CACNA1C: variants seen among roughly 807,000 people sequenced by gnomAD.
CACNA1C encodes voltage-dependent L-type calcium channel subunit alpha-1C.
A neutral mutation model predicts 229.0 loss-of-function variants in CACNA1C; 30 were observed. The observed-to-expected ratio is 0.13, with a 90% CI of 0.10 to 0.18. The LOEUF (loss-of-function observed/expected upper bound fraction) is 0.18, where lower values mean the gene tolerates loss of function less well. CACNA1C is among the 10% of genes least tolerant of loss of function. CACNA1C has a pLI of 1.00. For synonymous variants in CACNA1C, 1,114 were observed against 1,132.5 expected (o/e 0.98, Z 0.33); for missense variants, 1,658 against 2,845.0 (o/e 0.58, Z 9.49).
chr12:1,996,988 G>A (rs868493805), intron 1 of CACNA1C, among the ~76,000 whole-genome samples: 2 of 152,166 alleles, frequency 1.3e-5, no homozygotes, highest in African/African-American at 4.8e-5. Context: ...TGAAGGTGAT[G>A]ACCTTTGGCT....
intron 3 of CACNA1C, among the ~76,000 whole-genome samples, chr12:2,395,601 C>T (rs1307813930): frequency 1.3e-5 from 2 of 152,122 alleles, no homozygotes; most frequent in African/African-American, 2.4e-5. Context: ...GAAAGCAAGT[C>T]GGGTCCCTCT....
intron 1 of CACNA1C, among the ~76,000 whole-genome samples, chr12:2,026,435 G>T (rs971667372): frequency 3.3e-5 from 5 of 152,162 alleles, no homozygotes; most frequent in Non-Finnish European, 7.3e-5. Flanking sequence ...AAGTCAGATG[G>T]ATCAGTTAGA....
At chr12:2,494,876 C>A (rs2099743538) in intron 7 of CACNA1C, among the ~76,000 whole-genome samples, 2 of 152,156 alleles carry the variant, frequency 1.3e-5, no homozygotes, top group African/African-American at 2.4e-5. Flanking sequence ...GACCTTGTAC[C>A]CAGCAAACAT....
rs550782227 is a variant in CACNA1C, at chr12:2,615,324, A to G, written c.3828+3311A>G. On this transcript the variant is annotated intron_variant, in intron 29 of 46. Coordinates refer to ENST00000399655, the MANE Select transcript of CACNA1C (RefSeq NM_000719.7). ...AGCAAAGACAGGAAAATAAATTTTG[A>G]AGATACTCTTATAGATTTGATAAAC... Among the ~76,000 whole-genome samples, 32 of 152,376 alleles carry G rather than the reference A, an allele frequency of 2.1e-4. No homozygotes were observed. In the East Asian group the frequency reaches 4.6e-3, roughly 22 times the overall value.
chr12:2,442,086 A>G (rs117849931), intron 3 of CACNA1C, among the ~76,000 whole-genome samples: 1,602 of 152,354 alleles, frequency 0.011, 14 homozygotes, highest in Non-Finnish European at 0.016. Flanking sequence ...CAGAATCAAA[A>G]TTATTACCAT....
In CACNA1C at chr12:1,976,813, C is replaced by G. The variant is rs112230987; in HGVS notation, c.139+5612C>G. Among the ~76,000 whole-genome samples the G allele has an allele frequency of 8.0e-4, 98 of 122,182 alleles. 1 individual carries two copies. The highest frequency in any genetic ancestry group is 1.4e-3 in the Non-Finnish European group (85 of 62,376). The allele number at this position is 122,182 out of a possible 152,430, so 80.2% of individuals were successfully genotyped here. ...ACCCTCTAAAACAATGTCTGGCACA[C>G]AGCAGTCAAGCAAATATATTTGAGG... On this transcript the variant is annotated intron_variant, in intron 1 of 46. Transcript: ENST00000682462.
At chr12:2,035,059 C>T (rs1159835296) in intron 1 of CACNA1C, among the ~76,000 whole-genome samples, 1 of 152,190 alleles carries the variant, frequency 6.6e-6, no homozygotes, top group East Asian at 1.9e-4. Flanking sequence ...CGTCGTCCAC[C>T]TCAGGTGCCG....
In CACNA1C at chr12:2,691,920, CTT is replaced by C. The variant is rs1299821983; in HGVS notation, c.*724_*725del. ...CGCTCTTTTGTTTTGTGGTTTGACA[CTT>C]TTCTTGACAGCATGTTGCAGTTTCT... On this transcript the variant is annotated 3_prime_UTR_variant, in exon 47 of 47. Transcript: ENST00000399655. The C allele has an allele frequency of 6.6e-6, 1 of 152,178 alleles. No individual in the cohort carries two copies. Among genetic ancestry groups the C allele is most frequent in the African/African-American group, 2.4e-5 (1 of 41,450 alleles). The allele number at this position is 152,178 out of a possible 1,614,324, so 9.4% of individuals were successfully genotyped here. A position where few individuals can be genotyped will look rare whatever the true frequency, so the allele number is the denominator to read the frequency against.
intron 9 of CACNA1C, among the ~76,000 whole-genome samples, chr12:2,544,964 A>G (rs953051923): frequency 7.2e-5 from 11 of 152,178 alleles, no homozygotes; most frequent in Admixed American, 6.5e-4. Flanking sequence ...TCTTAGATGT[A>G]ATGGTTTCGC....
intron 5 of CACNA1C, among the ~76,000 whole-genome samples, chr12:2,468,023 G>C (rs749025056): frequency 1.3e-5 from 2 of 152,214 alleles, no homozygotes; most frequent in Non-Finnish European, 2.9e-5. Flanking sequence ...TGGGTTGGCA[G>C]GAGCCACCGC....
chr12:2,068,997 C>G (rs569074763), intron 1 of CACNA1C, among the ~76,000 whole-genome samples: 1 of 152,352 alleles, frequency 6.6e-6, no homozygotes, highest in South Asian at 2.1e-4. Flanking sequence ...CATACTCAGA[C>G]AACTGGTCCT....
At chr12:2,189,603 G>T (rs1362454913) in intron 3 of CACNA1C, among the ~76,000 whole-genome samples, 1 of 152,196 alleles carries the variant, frequency 6.6e-6, no homozygotes, top group Non-Finnish European at 1.5e-5. Flanking sequence ...CCAGGCAGAG[G>T]GCTGCTAACT....
At chr12:2,194,348 T>C (rs565693335) in intron 3 of CACNA1C, among the ~76,000 whole-genome samples, 9 of 147,508 alleles carry the variant, frequency 6.1e-5, no homozygotes, top group African/African-American at 2.3e-4. Context: ...TCTTCCTCCC[T>C]CTCCTCCTCC....
chr12:2,268,101 G>A (rs569992613), intron 3 of CACNA1C, among the ~76,000 whole-genome samples: 53 of 152,302 alleles, frequency 3.5e-4, no homozygotes, highest in Non-Finnish European at 5.7e-4. Flanking sequence ...TGTGCCTTGT[G>A]CCAGGGACTG....
intron 3 of CACNA1C, among the ~76,000 whole-genome samples, chr12:2,426,282 A>G (rs2099031325): frequency 6.6e-6 from 1 of 152,182 alleles, no homozygotes; most frequent in Admixed American, 6.5e-5. Flanking sequence ...AAGGTAATAA[A>G]CCCATCTGAA....
chr12:2,076,768 G>C (rs551180752), intron 1 of CACNA1C, among the ~76,000 whole-genome samples: 191 of 152,306 alleles, frequency 1.3e-3, no homozygotes, highest in African/African-American at 4.5e-3. Flanking sequence ...ATGAGCCCCT[G>C]CTTTATAGAA....
intron 1 of CACNA1C, among the ~76,000 whole-genome samples, chr12:2,112,789 A>T (rs1263115815): frequency 6.6e-6 from 1 of 152,144 alleles, no homozygotes; most frequent in Non-Finnish European, 1.5e-5. Context: ...ACACTAATCT[A>T]TCATCCTCAG....
chr12:2,457,277 C>T (rs1356040284), intron 4 of CACNA1C, among the ~76,000 whole-genome samples: 1 of 152,246 alleles, frequency 6.6e-6, no homozygotes, highest in Non-Finnish European at 1.5e-5. Flanking sequence ...CTGCTTCCCA[C>T]GTTTGTCCAG....
intron 3 of CACNA1C, among the ~76,000 whole-genome samples, chr12:2,415,191 C>G (rs543924834): frequency 4.6e-5 from 7 of 152,306 alleles, no homozygotes; most frequent in African/African-American, 1.4e-4. Context: ...TCCTATTTGC[C>G]TTTTTATTCT....
Sources: gnomAD v4.1 joint callset for allele counts (sites outside exome capture counted in the v4.1 genomes callset) on GRCh38, gnomAD v4.1.1 for gene constraint, MANE v1.5 for transcripts, NCBI Gene and HGNC (gene_info 2026-07-23, HGNC 2026-07-21) for gene names.